The following SLC28A1 variants were observed in gnomAD, a reference collection of about 807,000 sequenced individuals.
SLC28A1 encodes solute carrier family 28 member 1.
Under a neutral mutation model 74.8 loss-of-function variants are expected in SLC28A1, and 64 were observed. That is an observed-to-expected ratio of 0.86 (90% CI 0.70 to 1.05). The LOEUF (loss-of-function observed/expected upper bound fraction) is 1.05, where lower values mean the gene tolerates loss of function less well. Ranked by LOEUF, SLC28A1 falls within the 50% of genes least tolerant of loss-of-function variation. The pLI is 0.00. For synonymous variants in SLC28A1, 359 were observed against 335.0 expected (o/e 1.07, Z -0.78); for missense variants, 828 against 822.8 (o/e 1.01, Z -0.08).
intron 4 of SLC28A1, among the ~76,000 whole-genome samples, chr15:84,889,754 TTC>T (rs1965128685): frequency 1.2e-5 from 1 of 86,398 alleles, no homozygotes; most frequent in South Asian, 4.5e-4. Flanking sequence ...CCTTCCTTCC[TTC>T]CTTCCTTCCT....
chr15:84,895,004 C>T lies in SLC28A1; in HGVS notation c.342C>T (p.Val114=). The T allele has an allele frequency of 6.2e-7, 1 of 1,614,220 alleles. No homozygotes were observed. Among genetic ancestry groups the T allele is most frequent in the Non-Finnish European group, 8.5e-7 (1 of 1,180,034 alleles). ...TCCAGAGGGCCCTGGCTCTGTTTGT[C>T]CTCACCTGTGTGGTCCTCACCTTCC... ...LDFQRALALF[V]LTCVVLTFLG... Residue 114 remains valine (V), a synonymous_variant, in exon 6 of 19, where the codon GTC becomes GTT. Transcript: ENST00000394573.
At chr15:84,925,302 G>A (rs1970383690) in intron 12 of SLC28A1, among the ~76,000 whole-genome samples, 1 of 151,970 alleles carries the variant, frequency 6.6e-6, no homozygotes, top group African/African-American at 2.4e-5. Context: ...CTGCGAACTT[G>A]TTAGAAATGC....
chr15:84,903,989 C>T (rs1545470), intron 6 of SLC28A1, 108 bp from the exon 7 acceptor site: 277,594 of 1,461,134 alleles, frequency 0.19, 27,209 homozygotes, highest in African/African-American at 0.25. Context: ...GCTGTTTCTC[C>T]TCCTCCCAGC....
the SLC28A1 span, among the ~76,000 whole-genome samples, chr15:84,974,204 C>T: frequency 1.3e-5 from 2 of 152,222 alleles, no homozygotes; most frequent in Admixed American, 6.5e-5. Flanking sequence ...TGCATTTTGC[C>T]TCACATTTAC....
intron 5 of SLC28A1, among the ~76,000 whole-genome samples, chr15:84,893,938 T>C (rs953752884): frequency 1.3e-5 from 2 of 152,224 alleles, no homozygotes; most frequent in African/African-American, 4.8e-5. Flanking sequence ...GCTTTCTCTG[T>C]GATACCAGTG....
At chr15:84,898,344 C>A (rs368539250) in intron 6 of SLC28A1, among the ~76,000 whole-genome samples, 7 of 151,982 alleles carry the variant, frequency 4.6e-5, no homozygotes, top group African/African-American at 1.7e-4. Context: ...TTTGGGAGGG[C>A]GAGGTGGGTA....
chr15:84,912,796 T>TTGCG (rs1555449046), intron 9 of SLC28A1, among the ~76,000 whole-genome samples: 2 of 45,204 alleles, frequency 4.4e-5, no homozygotes, highest in African/African-American at 1.5e-4. Flanking sequence ...GTGCCAAATT[T>TTGCG]TGCGCGCGCG....
chr15:84,954,558 T>G, the SLC28A1 span, among the ~76,000 whole-genome samples: 2 of 152,162 alleles, frequency 1.3e-5, no homozygotes, highest in Non-Finnish European at 2.9e-5. Context: ...TAGATATTAT[T>G]ATCCCCATTT....
Position 84,908,727 on chromosome 15 carries a change from A to T in SLC28A1, c.727A>T (p.Ser243Cys). ...TGCTTTTTTCTTTCAGATCTTCCTG[A>T]GCTACACGAAGGCTGGCTCCAGCTT... ...WLGEQIRIFL[S>C]YTKAGSSFVF... Residue 243 changes from serine (S) to cysteine (C), a missense_variant, in exon 9 of 19, where the codon AGC becomes TGC. Around this residue, in one of 3 missense-constraint regions of SLC28A1, gnomAD observed 767 missense variants for 753.5 expected, o/e 1.02. Transcript: ENST00000394573. 6.2e-7 allele frequency: 1 copy of T among 1,613,534 alleles called. No homozygotes were observed. Among genetic ancestry groups the T allele is most frequent in the Non-Finnish European group, 8.5e-7 (1 of 1,179,872 alleles).
Position 84,895,128 on chromosome 15 carries a change from G to A in SLC28A1, c.461+5G>A, listed in dbSNP as rs201080436. On this transcript the variant is annotated splice_donor_5th_base_variant and intron_variant, in intron 6 of 18. Transcript: ENST00000394573. ...CCTGCTGCTCTGGTTTAAGAGGTGAGTGAGCTCACAGCCCCGAGGCAGGGC... is the reference window on the plus strand; with the variant it reads ...CCTGCTGCTCTGGTTTAAGAGGTGAATGAGCTCACAGCCCCGAGGCAGGGC... 1 of 1,613,758 alleles carries A rather than the reference G, an allele frequency of 6.2e-7. No homozygotes were observed. The highest frequency in any genetic ancestry group is 2.2e-5 in the East Asian group (1 of 44,876).
At chr15:84,934,914 G>C (rs1971699795) in intron 13 of SLC28A1, 112 bp from the exon 14 acceptor site, 1 of 926,324 alleles carries the variant, frequency 1.1e-6, no homozygotes, top group African/African-American at 1.6e-5. Flanking sequence ...GGAAAATTAG[G>C]ATTTCCCGCT....
At position 84,904,202 on chromosome 15, in the gene SLC28A1, C is replaced by G; in HGVS notation, c.567C>G (p.Val189=). Residue 189 remains valine (V), a synonymous_variant, in exon 7 of 19, where the codon GTC becomes GTG. Transcript: ENST00000394573. ...CCTTCGCAGGAATCTGCGTGTTCGT[C>G]GCTCTCCTCTTTGCCTGCTCAAAGC... ...LVSFAGICVF[V]ALLFACSKHH... is the part of the protein sequence containing the mutation. 1.9e-6 allele frequency: 3 copies of G among 1,614,148 alleles called. No individual in the cohort carries two copies. The highest frequency in any genetic ancestry group is 2.5e-6 in the Non-Finnish European group (3 of 1,180,048).
chr15:84,887,882 C>A, intron 3 of SLC28A1, 26 bp downstream of exon 3: 1 of 1,537,584 alleles, frequency 6.5e-7, no homozygotes, highest in Non-Finnish European at 9.0e-7. Context: ...CATCAGTCAT[C>A]CTGACCCCTC....
chr15:84,918,484 C>T (rs772134084), intron 9 of SLC28A1, 40 bp from the exon 10 acceptor site: 2 of 1,549,346 alleles, frequency 1.3e-6, no homozygotes, highest in East Asian at 4.5e-5. Flanking sequence ...TGCATCCTGC[C>T]TGCCTCTAAC....
intron 12 of SLC28A1, among the ~76,000 whole-genome samples, chr15:84,929,715 AC>A (rs1270438055): frequency 1.3e-5 from 2 of 152,188 alleles, no homozygotes; most frequent in Non-Finnish European, 1.5e-5. Context: ...ATAAAAAATT[AC>A]TTGGGCATGG....
At chr15:84,908,553 G>A (rs1967616274) in intron 8 of SLC28A1, among the ~76,000 whole-genome samples, 165 bp from the exon 9 acceptor site, 1 of 151,806 alleles carries the variant, frequency 6.6e-6, no homozygotes, top group South Asian at 2.1e-4. Flanking sequence ...GTGAGTGCCC[G>A]TGACAGCAGC....
the SLC28A1 span, among the ~76,000 whole-genome samples, chr15:84,972,957 C>A: frequency 1.3e-5 from 2 of 152,188 alleles, no homozygotes; most frequent in African/African-American, 4.8e-5. Flanking sequence ...TCCTCTCTGA[C>A]CTGGGGCTAC....
At chr15:84,964,935 G>A in the SLC28A1 span, among the ~76,000 whole-genome samples, 2 of 152,212 alleles carry the variant, frequency 1.3e-5, no homozygotes, top group Non-Finnish European at 2.9e-5. Context: ...AATGATTGAT[G>A]CTTCCCTCTT....
At chr15:84,946,105 TA>T (rs1567196412), downstream of SLC28A1, among the ~76,000 whole-genome samples, 21 of 37,796 alleles carry the variant, frequency 5.6e-4, no homozygotes, top group African/African-American at 1.8e-3. Flanking sequence ...TATATATATA[TA>T]TATATATTTT....
Sources: gnomAD v4.1 joint callset for allele counts (sites outside exome capture counted in the v4.1 genomes callset) on GRCh38, gnomAD v4.1.1 for gene constraint, gnomAD v4.1.1 regional missense constraint, MANE v1.5 for transcripts, NCBI Gene and HGNC (gene_info 2026-07-23, HGNC 2026-07-21) for gene names.